AGBL4: variants seen among roughly 807,000 people sequenced by gnomAD.
The protein encoded by AGBL4 is AGBL carboxypeptidase 4.
AGBL4 carries 58 observed loss-of-function variants against 66.4 expected under a neutral mutation model. That is an observed-to-expected ratio of 0.87 (90% CI 0.71 to 1.09). The LOEUF is 1.09. Ranked by LOEUF, AGBL4 falls within the 50% of genes least tolerant of loss-of-function variation. AGBL4 has a pLI of 0.00. For synonymous variants in AGBL4, 234 were observed against 222.9 expected, an observed-to-expected ratio of 1.05 and a Z score of -0.44; for missense variants, 579 against 631.0, an observed-to-expected ratio of 0.92 and a Z score of 0.88.
At chr1:49,224,601 A>G (rs1649753747) in intron 4 of AGBL4, among the ~76,000 whole-genome samples, 1 of 140,306 alleles carries the variant, frequency 7.1e-6, no homozygotes, top group Non-Finnish European at 1.5e-5. Flanking sequence ...TTGGCAACAG[A>G]GCGAGACTCC....
intron 4 of AGBL4, among the ~76,000 whole-genome samples, chr1:49,155,841 G>T (rs1472946591): frequency 6.6e-6 from 1 of 152,160 alleles, no homozygotes; most frequent in African/African-American, 2.4e-5. Context: ...ATCTACCAAA[G>T]TTGGCCTGCC....
At chr1:49,560,707 G>A (rs1644017275) in intron 3 of AGBL4, among the ~76,000 whole-genome samples, 1 of 152,066 alleles carries the variant, frequency 6.6e-6, no homozygotes, top group South Asian at 2.1e-4. Flanking sequence ...CCTAAAAGCA[G>A]TAAGAAACAA....
chr1:49,591,085 T>C (rs1315584226), intron 3 of AGBL4, among the ~76,000 whole-genome samples: 1 of 152,078 alleles, frequency 6.6e-6, no homozygotes. Flanking sequence ...ATAACTTTCA[T>C]ACCTTAAGCT....
At chr1:49,749,380 C>T (rs1007402219) in intron 2 of AGBL4, among the ~76,000 whole-genome samples, 7 of 151,718 alleles carry the variant, frequency 4.6e-5, no homozygotes, top group Non-Finnish European at 1.0e-4. Flanking sequence ...TGTTTTGGTA[C>T]CAGTACTGTT....
chr1:49,285,822 A>G (rs1215964899), intron 3 of AGBL4, among the ~76,000 whole-genome samples: 5 of 152,244 alleles, frequency 3.3e-5, no homozygotes, highest in Non-Finnish European at 5.9e-5. Context: ...AAACTATTCC[A>G]ATCAATAGAA....
chr1:49,732,478 T>G (rs1183807609), intron 2 of AGBL4, among the ~76,000 whole-genome samples: 1 of 152,170 alleles, frequency 6.6e-6, no homozygotes, highest in Admixed American at 6.5e-5. Flanking sequence ...GACCTGTATT[T>G]AACAGGCAAA....
At chr1:48,624,134 C>T (rs1221811631) in intron 9 of AGBL4, among the ~76,000 whole-genome samples, 1 of 152,128 alleles carries the variant, frequency 6.6e-6, no homozygotes, top group Non-Finnish European at 1.5e-5. Flanking sequence ...TTCCAATGCT[C>T]CAGAATTTCC....
At chr1:49,801,529 C>A (rs1319665094) in intron 2 of AGBL4, among the ~76,000 whole-genome samples, 1 of 152,072 alleles carries the variant, frequency 6.6e-6, no homozygotes, top group African/African-American at 2.4e-5. Flanking sequence ...AGAAACAAGA[C>A]AAATAGATTT....
intron 2 of AGBL4, among the ~76,000 whole-genome samples, chr1:49,830,336 G>A (rs1255663771): frequency 1.3e-5 from 2 of 152,098 alleles, no homozygotes; most frequent in Non-Finnish European, 2.9e-5. Flanking sequence ...ATCTCATTAT[G>A]GTTTTGATTT....
intron 3 of AGBL4, among the ~76,000 whole-genome samples, chr1:49,530,284 T>TAAAAAAAAAAAAAAAAAA (rs1570959521): frequency 3.6e-4 from 13 of 35,788 alleles, no homozygotes; most frequent in South Asian, 2.6e-3. Context: ...AAAAAAAAAC[T>TAAAAAAAAAAAAAAAAAA]CTATGAGTTT....
chr1:48,669,937 C>T (rs12117158), intron 6 of AGBL4, among the ~76,000 whole-genome samples: 4,144 of 152,280 alleles, frequency 0.027, 92 homozygotes, highest in Non-Finnish European at 0.042. Context: ...CTCAGATCTC[C>T]CATGGCCTAA....
chr1:49,292,920 G>A (rs1204557598), intron 3 of AGBL4, among the ~76,000 whole-genome samples: 1 of 152,212 alleles, frequency 6.6e-6, no homozygotes, highest in Non-Finnish European at 1.5e-5. Flanking sequence ...GTTGAATGGT[G>A]GGGCTGAAAG....
At chr1:48,785,123 C>T (rs557597662) in intron 6 of AGBL4, among the ~76,000 whole-genome samples, 1 of 152,306 alleles carries the variant, frequency 6.6e-6, no homozygotes, top group African/African-American at 2.4e-5. Flanking sequence ...TTCCATCCCC[C>T]TCCATAGACT....
chr1:49,148,327 A>C (rs1367910973), intron 4 of AGBL4, among the ~76,000 whole-genome samples: 1 of 152,138 alleles, frequency 6.6e-6, no homozygotes. Context: ...TTTCTGTTAA[A>C]AGGACATGGC....
chr1:49,969,802 T>G (rs1488476141), intron 1 of AGBL4, among the ~76,000 whole-genome samples: 1 of 152,212 alleles, frequency 6.6e-6, no homozygotes, highest in African/African-American at 2.4e-5. Flanking sequence ...TCATGAATAA[T>G]GCTTCTTCAA....
intron 4 of AGBL4, among the ~76,000 whole-genome samples, chr1:49,160,209 C>T (rs1646514445): frequency 6.6e-6 from 1 of 152,124 alleles, no homozygotes; most frequent in Non-Finnish European, 1.5e-5. Flanking sequence ...GATTTATCTA[C>T]CTGGATCTTT....
intron 4 of AGBL4, among the ~76,000 whole-genome samples, chr1:49,076,205 A>C (rs995101976): frequency 6.6e-6 from 1 of 152,182 alleles, no homozygotes; most frequent in Non-Finnish European, 1.5e-5. Flanking sequence ...TCTGTAGGGG[A>C]TATGTTCCAA....
chr1:48,572,498 G>C (rs1644582144), intron 11 of AGBL4, among the ~76,000 whole-genome samples: 1 of 151,950 alleles, frequency 6.6e-6, no homozygotes, highest in African/African-American at 2.4e-5. Context: ...GAAGGTAAGA[G>C]AGGGTGTAAT....
chr1:49,812,257 A>G (rs1645117699), intron 2 of AGBL4, among the ~76,000 whole-genome samples: 1 of 152,212 alleles, frequency 6.6e-6, no homozygotes, highest in South Asian at 2.1e-4. Context: ...CAGTCATAGC[A>G]TTTGTTAAAC....
Sources: gnomAD v4.1 joint callset for allele counts (sites outside exome capture counted in the v4.1 genomes callset) on GRCh38, gnomAD v4.1.1 for gene constraint, MANE v1.5 for transcripts, NCBI Gene and HGNC (gene_info 2026-07-23, HGNC 2026-07-21) for gene names.